ACVR2A: variants seen among roughly 807,000 people sequenced by gnomAD.
The protein encoded by ACVR2A is activin receptor type-2A.
In ACVR2A, 7 loss-of-function variants were observed where a neutral mutation model predicts 61.4. The observed-to-expected ratio is 0.11, with a 90% confidence interval of 0.06 to 0.21. The LOEUF is 0.21. Ranked by LOEUF, ACVR2A falls within the 10% of genes least tolerant of loss-of-function variation. The pLI is 1.00. For synonymous variants in ACVR2A, 193 were observed against 208.3 expected (o/e 0.93, Z 0.63); for missense variants, 322 against 621.7 (o/e 0.52, Z 5.13).
intron 1 of ACVR2A, among the ~76,000 whole-genome samples, chr2:147,861,712 T>C (rs768263036): frequency 3.9e-5 from 6 of 152,298 alleles, no homozygotes; most frequent in Non-Finnish European, 7.4e-5. Flanking sequence ...CCAAAACACT[T>C]CTGATCCTAA....
At chr2:147,884,024 T>G (rs1056255182) in intron 1 of ACVR2A, among the ~76,000 whole-genome samples, 1 of 152,140 alleles carries the variant, frequency 6.6e-6, no homozygotes, top group Non-Finnish European at 1.5e-5. Context: ...TAATTGACAC[T>G]TTTAGGTTGG....
At chr2:147,897,049 C>G (rs1203886440) in intron 2 of ACVR2A, 2 of 146,060 alleles carry the variant, frequency 1.4e-5, no homozygotes, top group African/African-American at 5.1e-5. Context: ...GCTCTTGTTG[C>G]CCAGGCTGGA....
At chr2:147,872,527 C>T (rs554194622) in intron 1 of ACVR2A, among the ~76,000 whole-genome samples, 144 of 150,484 alleles carry the variant, frequency 9.6e-4, no homozygotes, top group Admixed American at 1.4e-3. Context: ...TTGGCCCATA[C>T]AATTAACGAA....
intron 4 of ACVR2A, among the ~76,000 whole-genome samples, chr2:147,907,832 C>T (rs1049040644): frequency 5.9e-5 from 9 of 151,860 alleles, no homozygotes; most frequent in Non-Finnish European, 7.4e-5. Context: ...TTGAGACCAG[C>T]CTGGCCAACA....
At chr2:147,904,683 C>T (rs1273236572) in intron 4 of ACVR2A, among the ~76,000 whole-genome samples, 1 of 151,948 alleles carries the variant, frequency 6.6e-6, no homozygotes, top group Non-Finnish European at 1.5e-5. Flanking sequence ...CATGCTATGT[C>T]AGAGTGCTAT....
At chr2:147,869,128 C>T (rs1265187384) in intron 1 of ACVR2A, among the ~76,000 whole-genome samples, 3 of 151,976 alleles carry the variant, frequency 2.0e-5, no homozygotes, top group Non-Finnish European at 4.4e-5. Flanking sequence ...AATAATATAC[C>T]TTGCATTATT....
At chr2:147,894,288 A>G (rs898190677) in intron 1 of ACVR2A, among the ~76,000 whole-genome samples, 1 of 152,138 alleles carries the variant, frequency 6.6e-6, no homozygotes, top group African/African-American at 2.4e-5. Context: ...GTAAGTCTTA[A>G]AATCAGTTAG....
At chr2:147,881,768 A>C (rs985909994) in intron 1 of ACVR2A, among the ~76,000 whole-genome samples, 41 of 151,958 alleles carry the variant, frequency 2.7e-4, no homozygotes, top group African/African-American at 9.6e-4. Context: ...TCTATCATTA[A>C]GTTTGTGAGA....
intron 4 of ACVR2A, among the ~76,000 whole-genome samples, chr2:147,905,634 A>G (rs529569262): frequency 1.5e-4 from 23 of 152,078 alleles, no homozygotes; most frequent in African/African-American, 5.5e-4. Flanking sequence ...TCTGTGTCCT[A>G]CCTTGGTGTG....
intron 1 of ACVR2A, among the ~76,000 whole-genome samples, chr2:147,871,863 T>C (rs1686027698): frequency 6.6e-6 from 1 of 152,114 alleles, no homozygotes; most frequent in South Asian, 2.1e-4. Flanking sequence ...TTCTGCTCAT[T>C]CTCTTCTCTT....
intron 1 of ACVR2A, among the ~76,000 whole-genome samples, chr2:147,862,026 T>G (rs1685738397): frequency 6.6e-6 from 1 of 152,202 alleles, no homozygotes; most frequent in Admixed American, 6.5e-5. Context: ...CTGAAGTCAC[T>G]AATCAGTGGA....
chr2:147,918,981 T>C (rs1687317950), intron 7 of ACVR2A, among the ~76,000 whole-genome samples: 1 of 152,102 alleles, frequency 6.6e-6, no homozygotes, highest in Non-Finnish European at 1.5e-5. Context: ...AATGACCTTA[T>C]CTGTACCCTG....
At chr2:147,879,513 C>T (rs1338541445) in intron 1 of ACVR2A, among the ~76,000 whole-genome samples, 1 of 152,114 alleles carries the variant, frequency 6.6e-6, no homozygotes, top group Non-Finnish European at 1.5e-5. Context: ...TGTTTAAGTC[C>T]ACTCCATTAT....
At chr2:147,850,295 A>G (rs1685412365) in intron 1 of ACVR2A, among the ~76,000 whole-genome samples, 1 of 152,110 alleles carries the variant, frequency 6.6e-6, no homozygotes, top group Admixed American at 6.5e-5. Flanking sequence ...TTTAATGAAA[A>G]CAGATTGAAT....
intron 5 of ACVR2A, among the ~76,000 whole-genome samples, chr2:147,916,706 A>G (rs1449840867): frequency 6.6e-6 from 1 of 151,958 alleles, no homozygotes; most frequent in African/African-American, 2.4e-5. Context: ...ATCTTTTATA[A>G]GTAGATACTT....
At chr2:147,878,826 T>C (rs1191392597) in intron 1 of ACVR2A, among the ~76,000 whole-genome samples, 1 of 152,036 alleles carries the variant, frequency 6.6e-6, no homozygotes, top group African/African-American at 2.4e-5. Context: ...GGAAGATCAA[T>C]TGAGCCCAGC....
chr2:147,846,801 A>G (rs1450125272), intron 1 of ACVR2A, among the ~76,000 whole-genome samples: 1 of 152,116 alleles, frequency 6.6e-6, no homozygotes, highest in Non-Finnish European at 1.5e-5. Context: ...CTGCTTCTAT[A>G]TGTTGTGGCT....
At chr2:147,847,542 A>G (rs1685343620) in intron 1 of ACVR2A, among the ~76,000 whole-genome samples, 1 of 152,148 alleles carries the variant, frequency 6.6e-6, no homozygotes, top group Admixed American at 6.5e-5. Context: ...ATAGTAAGGA[A>G]CAGTTTTGTT....
rs1206220819 is a variant in ACVR2A at position 147,927,264 on chromosome 2, C to G, written c.1532C>G (p.Ser511Cys). ...AATGTTGACTTTCCTCCCAAAGAATCTAGTCTATGATGGTTGCGCCATCTG... is the reference window on the plus strand; with the variant it reads ...AATGTTGACTTTCCTCCCAAAGAATGTAGTCTATGATGGTTGCGCCATCTG... ...VTNVDFPPKE[S>C]SL Residue 511 changes from serine (S) to cysteine (C), a missense_variant, in exon 11 of 11, where the codon TCT (serine) becomes TGT (cysteine). Ser to Cys is a moderately radical substitution (Grantham distance 112, BLOSUM62 -1). Transcript: ENST00000241416. 3 of 1,610,872 alleles carry G rather than the reference C, an allele frequency of 1.9e-6. No homozygotes were observed. Among genetic ancestry groups the G allele is most frequent in the African/African-American group, 1.3e-5 (1 of 74,760 alleles).
Sources: allele counts gnomAD v4.1 joint callset (sites outside exome capture counted in the v4.1 genomes callset), GRCh38; gene constraint gnomAD v4.1.1; transcripts MANE v1.5; gene names NCBI Gene and HGNC (gene_info 2026-07-23, HGNC 2026-07-21).